Variants in SMCR8 observed in about 807,000 individuals in gnomAD.
SMCR8 encodes SMCR8-C9orf72 complex subunit, also known as guanine nucleotide exchange protein SMCR8.
A neutral mutation model predicts 56.6 loss-of-function variants in SMCR8; 30 were observed. The observed-to-expected ratio is 0.53, with a 90% CI of 0.40 to 0.72. The LOEUF is 0.72. SMCR8 is among the 30% of genes least tolerant of loss of function. The pLI, the probability that SMCR8 is intolerant of heterozygous loss-of-function variation, is 0.00. For missense variants in SMCR8, 1,198 were observed against 1,157.0 expected, an observed-to-expected ratio of 1.04 and a Z score of -0.51; for synonymous variants, 538 against 456.0, an observed-to-expected ratio of 1.18 and a Z score of -2.29.
Position 18,325,627 on chromosome 17 carries a change from T to C in SMCR8, c.*2557T>C, listed in dbSNP as rs1298116439. ...CGTGGTACCAGGACTGAGTCATGAT[T>C]TGGGCAGAGGCAGTTAACACTGGGA... On this transcript the variant is annotated 3_prime_UTR_variant, in exon 2 of 2. Coordinates refer to ENST00000406438, the MANE Select transcript of SMCR8 (RefSeq NM_144775.3). 6.6e-6 allele frequency: 1 copy of C among 152,230 alleles called. No homozygotes were observed. The highest frequency in any genetic ancestry group is 1.5e-5 in the Non-Finnish European group (1 of 68,030). The allele number at this position is 152,230 out of a possible 1,614,324, so 9.4% of individuals were successfully genotyped here. A position where few individuals can be genotyped will look rare whatever the true frequency, so the allele number is the denominator to read the frequency against.
In SMCR8 at chr17:18,316,116, A is replaced by C. The variant is rs772686720; in HGVS notation, c.327A>C (p.Gly109=). Residue 109 remains glycine (G), a synonymous_variant, in exon 1 of 2, where the codon GGA becomes GGC. Transcript: ENST00000406438. The part of the protein sequence containing the change: ...YQASFVGHPP[G]SAYPKLNFVE... Reference sequence around the variant, plus strand: ...CTTCCTTCGTGGGCCATCCTCCTGGATCTGCCTACCCCAAGCTGAACTTCG... The same window carrying C: ...CTTCCTTCGTGGGCCATCCTCCTGGCTCTGCCTACCCCAAGCTGAACTTCG... The C allele has an allele frequency of 4.3e-6, 7 of 1,613,988 alleles. No individual in the cohort carries two copies. Among genetic ancestry groups the C allele is most frequent in the Non-Finnish European group, 5.9e-6 (7 of 1,180,018 alleles).
Position 18,317,353 on chromosome 17 carries a change from A to T in SMCR8, c.1564A>T (p.Thr522Ser). 1 of 1,613,978 alleles carries T rather than the reference A, an allele frequency of 6.2e-7. No individual in the cohort carries two copies. Among genetic ancestry groups the T allele is most frequent in the African/African-American group, 1.3e-5 (1 of 75,020 alleles). ...ISEDSIEVLS[T>S]CPSEALIPDD... ...CGAGGACAGTATTGAAGTCCTCAGT[A>T]CCTGCCCCTCTGAGGCCCTCATCCC... Residue 522 changes from threonine (T) to serine (S), a missense_variant, in exon 1 of 2, where the codon ACC becomes TCC. By Grantham distance (58) the Thr-to-Ser change is moderately conservative. Coordinates refer to ENST00000406438, the MANE Select transcript of SMCR8 (RefSeq NM_144775.3).
Position 18,315,636 on chromosome 17 carries a change from T to A in SMCR8, c.-154T>A, listed in dbSNP as rs1242555648. On this transcript the variant is annotated 5_prime_UTR_variant, in exon 1 of 2. Transcript: ENST00000406438. ...GGCTGCTAGAGTTCTTCTCCTCGGGTGTGTGAGAAGCAGCCTAGGACCCCG... is the reference window on the plus strand; with the variant it reads ...GGCTGCTAGAGTTCTTCTCCTCGGGAGTGTGAGAAGCAGCCTAGGACCCCG... 2 of 654,284 alleles carry A rather than the reference T, an allele frequency of 3.1e-6. No individual in the cohort carries two copies. Among genetic ancestry groups the A allele is most frequent in the South Asian group, 2.0e-5 (1 of 50,790 alleles). The allele number at this position is 654,284 out of a possible 1,614,324, so 40.5% of individuals were successfully genotyped here.
Position 18,326,978 on chromosome 17 carries a change from C to G in SMCR8, c.*3908C>G, listed in dbSNP as rs1170773820. 6.6e-6 allele frequency: 1 copy of G among 152,650 alleles called. No individual in the cohort carries two copies. Among genetic ancestry groups the G allele is most frequent in the Non-Finnish European group, 1.5e-5 (1 of 68,050 alleles). The allele number at this position is 152,650 out of a possible 1,614,324, so 9.5% of individuals were successfully genotyped here. ...CCACCTCCCTGAAAAGCACAGAAGA[C>G]AGTGCCTTGGTTTGTGTTTTGAAGC... On this transcript the variant is annotated 3_prime_UTR_variant, in exon 2 of 2. Coordinates refer to ENST00000406438, the MANE Select transcript of SMCR8 (RefSeq NM_144775.3).
chr17:18,321,476 C>T (rs935422669), intron 1 of SMCR8, among the ~76,000 whole-genome samples: 2 of 152,234 alleles, frequency 1.3e-5, no homozygotes, highest in African/African-American at 2.4e-5. Context: ...ATGACAGCAG[C>T]GCCTACCGAG....
chr17:18,322,341 CA>C (rs1290525990), intron 1 of SMCR8, among the ~76,000 whole-genome samples: 1 of 152,196 alleles, frequency 6.6e-6, no homozygotes, highest in African/African-American at 2.4e-5. Context: ...TCTAAGGCCC[CA>C]CTGAAAGCTT....
In SMCR8 at chr17:18,317,966, C is replaced by T. The variant is rs1314774497; in HGVS notation, c.2177C>T (p.Ser726Phe). The change falls in exon 1 of 2, where the codon TCC becomes TTC. Residue 726 changes from serine (S) to phenylalanine (F), a missense_variant. By Grantham distance (155) the Ser-to-Phe change is radical (BLOSUM62 -2). Transcript: ENST00000406438. ...CCCTTTGCCCACCCAGCCATCTACT[C>T]CCTGCTCAGTGGGAGGACACTTGTG... ...QYPFAHPAIYSLLSGRTLVVL... is the reference protein window; with the variant it reads ...QYPFAHPAIYFLLSGRTLVVL... The T allele has an allele frequency of 2.5e-6, 4 of 1,614,120 alleles. No individual in the cohort carries two copies. Among genetic ancestry groups the T allele is most frequent in the Non-Finnish European group, 2.5e-6 (3 of 1,180,054 alleles).
Position 18,315,884 on chromosome 17 carries a change from T to C in SMCR8, c.95T>C (p.Val32Ala). 1 of 1,614,060 alleles carries C rather than the reference T, an allele frequency of 6.2e-7. No homozygotes were observed. The highest frequency in any genetic ancestry group is 8.5e-7 in the Non-Finnish European group (1 of 1,179,982). ...NEPALPEEYS[V>A]PLFPFASQGA... Reference sequence around the variant, plus strand: ...CCGGCCCTGCCTGAGGAGTACTCGGTGCCGCTCTTCCCCTTCGCCAGTCAG... The same window carrying C: ...CCGGCCCTGCCTGAGGAGTACTCGGCGCCGCTCTTCCCCTTCGCCAGTCAG... Residue 32 changes from valine to alanine, a missense_variant, in exon 1 of 2, where the codon GTG (valine) becomes GCG (alanine). Physicochemically the swap from Val to Ala is moderately conservative, Grantham distance 64. Coordinates refer to ENST00000406438, the MANE Select transcript of SMCR8 (RefSeq NM_144775.3).
rs1982261694 is a variant in SMCR8 at position 18,316,060 on chromosome 17, T to C, written c.271T>C (p.Ser91Pro). 1.9e-6 allele frequency: 3 copies of C among 1,614,136 alleles called. No individual in the cohort carries two copies. Among genetic ancestry groups the C allele is most frequent in the Non-Finnish European group, 2.5e-6 (3 of 1,180,040 alleles). ...TGGCACTTTTGATCTCAATTACTTC[T>C]CCCTGCGTATCATGTCTGTGGATTA... ...VFGTFDLNYF[S>P]LRIMSVDYQA... Residue 91 changes from serine (S) to proline (P), a missense_variant, in exon 1 of 2, where the codon TCC becomes CCC. Transcript: ENST00000406438.
rs758392313 is a variant in SMCR8, at chr17:18,317,122, G to C, written c.1333G>C (p.Glu445Gln). Residue 445 changes from glutamate to glutamine, a missense_variant, in exon 1 of 2, where the codon GAG becomes CAG. Coordinates refer to ENST00000406438, the MANE Select transcript of SMCR8 (RefSeq NM_144775.3). ...DEEYKEVEVT[E>Q]LSSFDPQENL... ...GGAGTACAAGGAAGTGGAAGTGACT[G>C]AGTTGAGCAGTTTCGACCCCCAGGA... The C allele has an allele frequency of 1.9e-6, 3 of 1,614,218 alleles. No homozygotes were observed. The highest frequency in any genetic ancestry group is 1.7e-6 in the Non-Finnish European group (2 of 1,180,046).
rs1321403719 is a variant in SMCR8, at chr17:18,324,040, A to G, written c.*970A>G. On this transcript the variant is annotated 3_prime_UTR_variant, in exon 2 of 2. Transcript: ENST00000406438. ...GACCCGTGTGAACATGGCAGAGGCCACACTCCAGCTCCCACCCACATAAAC... is the reference window on the plus strand; with the variant it reads ...GACCCGTGTGAACATGGCAGAGGCCGCACTCCAGCTCCCACCCACATAAAC... 6.6e-6 allele frequency: 1 copy of G among 152,300 alleles called. No individual in the cohort carries two copies. Among genetic ancestry groups the G allele is most frequent in the African/African-American group, 2.4e-5 (1 of 41,456 alleles). 9.4% of individuals were successfully genotyped at this position (152,300 alleles called of 1,614,324 possible).
At position 18,317,511 on chromosome 17, in the gene SMCR8, A is replaced by C. The variant is rs1235030789; in HGVS notation, c.1722A>C (p.Ile574=). The C allele has an allele frequency of 6.2e-7, 1 of 1,614,114 alleles. No homozygotes were observed. Among genetic ancestry groups the C allele is most frequent in the Admixed American group, 1.7e-5 (1 of 60,030 alleles). Residue 574 remains isoleucine (I), a synonymous_variant, in exon 1 of 2, where the codon ATA becomes ATC. Coordinates refer to ENST00000406438, the MANE Select transcript of SMCR8 (RefSeq NM_144775.3). The part of the protein sequence containing the change: ...PELGETEEGS[I]ENTPSQIDSS... ...TGGGTGAGACAGAGGAAGGCAGCAT[A>C]GAAAACACCCCATCACAAATAGACT...
In SMCR8 at chr17:18,315,817, T is replaced by G; in HGVS notation, c.28T>G (p.Phe10Val). 3 of 1,599,946 alleles carry G rather than the reference T, an allele frequency of 1.9e-6. No homozygotes were observed. Among genetic ancestry groups the G allele is most frequent in the Non-Finnish European group, 2.6e-6 (3 of 1,169,574 alleles). The change falls in exon 1 of 2, where the codon TTC (phenylalanine) becomes GTC (valine). Residue 10 changes from phenylalanine to valine, a missense_variant. Phe to Val is a conservative substitution (Grantham distance 50). Transcript: ENST00000406438. MISAPDVVA[F>V]TKEEEYEEEP... ...GATCAGCGCCCCTGACGTAGTGGCC[T>G]TCACCAAAGAGGAAGAGTATGAAGA...
rs370024325 is a variant in SMCR8, at chr17:18,316,224, G to T, written c.435G>T (p.Glu145Asp). The change falls in exon 1 of 2, where the codon GAG becomes GAT. Residue 145 changes from glutamate to aspartate, a missense_variant. By Grantham distance (45) the Glu-to-Asp change is conservative (BLOSUM62 2). Coordinates refer to ENST00000406438, the MANE Select transcript of SMCR8 (RefSeq NM_144775.3). ...ACCACCTTACCCTATACGACCTGGA[G>T]GCCCGTGGCTTCGTGAGGCCGTTTT... is the stretch of plus-strand genomic sequence containing the variant. ...YVHHLTLYDL[E>D]ARGFVRPFCM... 88 of 1,613,832 alleles carry T rather than the reference G, an allele frequency of 5.5e-5. 2 individuals are homozygous for T. In the South Asian group the frequency reaches 5.5e-4, roughly 10 times the overall value.
rs1211980493 is a variant in SMCR8, at chr17:18,317,326, A to T, written c.1537A>T (p.Ser513Cys). 45 of 1,614,030 alleles carry T rather than the reference A, an allele frequency of 2.8e-5. No individual in the cohort carries two copies. The highest frequency in any genetic ancestry group is 3.6e-5 in the Non-Finnish European group (43 of 1,180,046). ...RSKAVSHRTI[S>C]EDSIEVLSTC... ...CAAAGCAGTCAGCCACAGGACCATC[A>T]GCGAGGACAGTATTGAAGTCCTCAG... is the stretch of plus-strand genomic sequence containing the variant. The change falls in exon 1 of 2, where the codon AGC becomes TGC. Residue 513 changes from serine to cysteine, a missense_variant. Ser to Cys is a moderately radical substitution (Grantham distance 112). Transcript: ENST00000406438.
chr17:18,318,908 C>G (rs894531225), intron 1 of SMCR8, among the ~76,000 whole-genome samples: 2 of 152,238 alleles, frequency 1.3e-5, no homozygotes, highest in African/African-American at 4.8e-5. Flanking sequence ...AGTGCTCTTT[C>G]AACCTTCAGA....
chr17:18,322,002 A>C (rs1982511746), intron 1 of SMCR8, among the ~76,000 whole-genome samples: 1 of 152,086 alleles, frequency 6.6e-6, no homozygotes, highest in African/African-American at 2.4e-5. Flanking sequence ...GGCAGAAAGA[A>C]GAGGTTTTTT....
Position 18,315,666 on chromosome 17 carries a change from C to T in SMCR8, c.-124C>T. The T allele has an allele frequency of 1.1e-6, 1 of 903,632 alleles. No individual in the cohort carries two copies. The highest frequency in any genetic ancestry group is 1.7e-6 in the Non-Finnish European group (1 of 592,486). 56.0% of individuals were successfully genotyped at this position (903,632 alleles called of 1,614,324 possible). The stretch of plus-strand genomic sequence containing the variant: ...GAGAAGCAGCCTAGGACCCCGGGTT[C>T]GGGGAGTCGCAAAGAAGGCCGTAAG... On this transcript the variant is annotated 5_prime_UTR_variant, in exon 1 of 2. Transcript: ENST00000406438.
chr17:18,316,956 A>G lies in SMCR8; in HGVS notation c.1167A>G (p.Ile389Met). Reference protein sequence around the residue: ...DDRMVEKQESIPSKPSQDRPP... With the variant: ...DDRMVEKQESMPSKPSQDRPP... ...GGATGGTGGAGAAACAAGAAAGCAT[A>G]CCCTCTAAGCCCAGTCAAGACAGGC... Residue 389 changes from isoleucine to methionine, a missense_variant, in exon 1 of 2, where the codon ATA becomes ATG. By Grantham distance (10) the Ile-to-Met change is conservative. Transcript: ENST00000406438. The G allele has an allele frequency of 6.2e-7, 1 of 1,614,158 alleles. No homozygotes were observed. The highest frequency in any genetic ancestry group is 1.7e-5 in the Admixed American group (1 of 60,028).
Sources: allele counts gnomAD v4.1 joint callset (sites outside exome capture counted in the v4.1 genomes callset), GRCh38; gene constraint gnomAD v4.1.1; transcripts MANE v1.5; gene names NCBI Gene and HGNC (gene_info 2026-07-23, HGNC 2026-07-21).